The following KCNIP4 variants were observed in gnomAD, a reference collection of about 807,000 sequenced individuals.
KCNIP4 encodes the protein potassium voltage-gated channel interacting protein 4, also known as Kv channel-interacting protein 4.
KCNIP4 carries 12 observed loss-of-function variants against 34.0 expected under a neutral mutation model. The observed-to-expected ratio is 0.35, with a 90% confidence interval of 0.23 to 0.57. The LOEUF is 0.57. KCNIP4 is among the 20% of genes least tolerant of loss of function. The pLI, the probability that KCNIP4 is intolerant of heterozygous loss-of-function variation, is 0.83. For synonymous variants in KCNIP4, 124 were observed against 102.2 expected (o/e 1.21, Z -1.29); for missense variants, 238 against 311.7 (o/e 0.76, Z 1.78).
intron 3 of KCNIP4, among the ~76,000 whole-genome samples, chr4:20,760,597 T>C (rs573047682): frequency 1.3e-5 from 2 of 152,304 alleles, no homozygotes; most frequent in African/African-American, 2.4e-5. Context: ...CTTCTCGATA[T>C]GGTTTTATCC....
intron 2 of KCNIP4, 36 bp from the exon 3 acceptor site, chr4:20,850,703 C>T (rs1720925252): frequency 6.2e-7 from 1 of 1,601,708 alleles, no homozygotes; most frequent in Admixed American, 1.7e-5. Context: ...TTAGGACCAG[C>T]CACTGCTCAC....
intron 1 of KCNIP4, among the ~76,000 whole-genome samples, chr4:21,653,105 T>A (rs1747639814): frequency 6.6e-6 from 1 of 152,332 alleles, no homozygotes; most frequent in African/African-American, 2.4e-5. Flanking sequence ...TTTAGGCAAA[T>A]ACTCACATAC....
chr4:21,530,225 G>A (rs1463855042), intron 1 of KCNIP4, among the ~76,000 whole-genome samples: 1 of 151,804 alleles, frequency 6.6e-6, no homozygotes, highest in African/African-American at 2.4e-5. Flanking sequence ...ATAATTTTTG[G>A]TGGCAAAAAA....
chr4:20,786,796 A>G (rs1224966073), intron 3 of KCNIP4, among the ~76,000 whole-genome samples: 2 of 151,954 alleles, frequency 1.3e-5, no homozygotes, highest in African/African-American at 4.8e-5. Flanking sequence ...ACCATTTGTT[A>G]AAGAGAAAAC....
At chr4:21,933,314 G>A (rs1729677373) in intron 1 of KCNIP4, among the ~76,000 whole-genome samples, 1 of 151,938 alleles carries the variant, frequency 6.6e-6, no homozygotes, top group Non-Finnish European at 1.5e-5. Context: ...CAGACTCTTA[G>A]CCATCTGGAC....
chr4:21,760,286 C>A (rs181994428), intron 1 of KCNIP4, among the ~76,000 whole-genome samples: 16 of 152,110 alleles, frequency 1.1e-4, no homozygotes, highest in African/African-American at 3.6e-4. Context: ...GAGTGCTCTG[C>A]TGATGCTAAT....
intron 1 of KCNIP4, among the ~76,000 whole-genome samples, chr4:21,355,905 A>G (rs1718539967): frequency 1.3e-5 from 2 of 152,184 alleles, no homozygotes; most frequent in Non-Finnish European, 1.5e-5. Context: ...AATCCTCAAT[A>G]AAATACTGGC....
intron 1 of KCNIP4, among the ~76,000 whole-genome samples, chr4:21,522,693 C>G (rs1358528581): frequency 6.6e-6 from 1 of 152,036 alleles, no homozygotes; most frequent in South Asian, 2.1e-4. Context: ...CTACTAGTTA[C>G]TACCTGTCCA....
At chr4:21,782,186 C>T (rs2109215012) in intron 1 of KCNIP4, among the ~76,000 whole-genome samples, 1 of 152,220 alleles carries the variant, frequency 6.6e-6, no homozygotes, top group Non-Finnish European at 1.5e-5. Context: ...CACGACCTAA[C>T]TACAAGCTGT....
At chr4:21,912,457 T>C (rs1482362110) in intron 1 of KCNIP4, among the ~76,000 whole-genome samples, 1 of 152,324 alleles carries the variant, frequency 6.6e-6, no homozygotes, top group East Asian at 1.9e-4. Flanking sequence ...TACAATCTAG[T>C]GTAGGAAACA....
intron 1 of KCNIP4, among the ~76,000 whole-genome samples, chr4:21,907,939 A>G (rs1728090343): frequency 6.6e-6 from 1 of 152,190 alleles, no homozygotes; most frequent in African/African-American, 2.4e-5. Context: ...ACAGTTGAAG[A>G]ATCGGCAAAA....
intron 1 of KCNIP4, among the ~76,000 whole-genome samples, chr4:21,443,076 G>A (rs1057169614): frequency 2.0e-5 from 3 of 152,020 alleles, no homozygotes; most frequent in African/African-American, 7.2e-5. Flanking sequence ...TTGTCACTAC[G>A]ACAAAACTTA....
chr4:20,781,237 A>G (rs1756843972), intron 3 of KCNIP4, among the ~76,000 whole-genome samples: 1 of 152,228 alleles, frequency 6.6e-6, no homozygotes, highest in Non-Finnish European at 1.5e-5. Flanking sequence ...ACACATTAGA[A>G]TTTTCAAGAT....
intron 4 of KCNIP4, among the ~76,000 whole-genome samples, chr4:20,754,751 T>A (rs1398326603): frequency 6.6e-6 from 1 of 152,256 alleles, no homozygotes; most frequent in East Asian, 1.9e-4. Flanking sequence ...AAAATAGATG[T>A]GCTCTGTTTA....
Position 20,729,915 on chromosome 4 carries a change from CTG to C in KCNIP4, c.*165_*166del. On this transcript the variant is annotated 3_prime_UTR_variant, in exon 9 of 9. Coordinates refer to ENST00000382152, the MANE Select transcript of KCNIP4 (RefSeq NM_025221.6). Reference sequence around the variant, plus strand: ...TTATGAAAAGGATGCAAATTTATAACTGAAAGCTCAAATCTTTTGGGGATTGC... The same window carrying C: ...TTATGAAAAGGATGCAAATTTATAACAAAGCTCAAATCTTTTGGGGATTGC... 1 of 710,478 alleles carries C rather than the reference CTG, an allele frequency of 1.4e-6. No homozygotes were observed. Among genetic ancestry groups the C allele is most frequent in the Non-Finnish European group, 2.1e-6 (1 of 479,282 alleles). The allele number at this position is 710,478 out of a possible 1,614,324, so 44.0% of individuals were successfully genotyped here. A position where few individuals can be genotyped will look rare whatever the true frequency, so the allele number is the denominator to read the frequency against.
chr4:21,141,576 T>A (rs1751955870), intron 1 of KCNIP4, among the ~76,000 whole-genome samples: 1 of 152,194 alleles, frequency 6.6e-6, no homozygotes, highest in African/African-American at 2.4e-5. Flanking sequence ...ATCCCTGATT[T>A]TATGTAGAAA....
chr4:21,607,029 CT>C (rs200444774), intron 1 of KCNIP4, among the ~76,000 whole-genome samples: 23,058 of 148,146 alleles, frequency 0.16, 2,013 homozygotes, highest in South Asian at 0.21. Flanking sequence ...AATTAGCAAC[CT>C]TTTTTTTTTT....
intron 1 of KCNIP4, among the ~76,000 whole-genome samples, chr4:21,400,500 T>TCTCCTCTCCTCTCTTCTCCACTCCCC (rs1560369068): frequency 1.9e-5 from 2 of 103,302 alleles, no homozygotes; most frequent in Admixed American, 1.1e-4. Context: ...CTCCCCTCCC[T>TCTCCTCTCCTCTCTTCTCCACTCCCC]TCCCCTCCCT....
At chr4:20,957,478 G>T (rs1032163881) in intron 1 of KCNIP4, among the ~76,000 whole-genome samples, 1 of 152,188 alleles carries the variant, frequency 6.6e-6, no homozygotes, top group Non-Finnish European at 1.5e-5. Flanking sequence ...AGCTGATCAG[G>T]AATTTAAGCC....
Sources: allele counts gnomAD v4.1 joint callset (sites outside exome capture counted in the v4.1 genomes callset), GRCh38; gene constraint gnomAD v4.1.1; transcripts MANE v1.5; gene names NCBI Gene and HGNC (gene_info 2026-07-23, HGNC 2026-07-21).